VPS36: variants seen among roughly 807,000 people sequenced by gnomAD.
VPS36 encodes vacuolar protein-sorting-associated protein 36.
A neutral mutation model predicts 63.5 loss-of-function variants in VPS36; 31 were observed. That is an observed-to-expected ratio of 0.49 (90% CI 0.37 to 0.66). The LOEUF is 0.66. Among genes scored for constraint, VPS36 ranks in the 30% least tolerant of loss-of-function variants. The pLI is 0.00. For synonymous variants in VPS36, 138 were observed against 157.2 expected, an observed-to-expected ratio of 0.88 and a Z score of 0.91; for missense variants, 338 against 463.7, an observed-to-expected ratio of 0.73 and a Z score of 2.49.
At chr13:52,441,577 C>T (rs957107356) in intron 2 of VPS36, among the ~76,000 whole-genome samples, 1 of 152,114 alleles carries the variant, frequency 6.6e-6, no homozygotes, top group African/African-American at 2.4e-5. Flanking sequence ...TTGGCTAAAC[C>T]CCGTCTCTAC....
At chr13:52,444,499 CAT>C (rs1197527584) in intron 1 of VPS36, among the ~76,000 whole-genome samples, 11 of 146,898 alleles carry the variant, frequency 7.5e-5, no homozygotes, top group Non-Finnish European at 1.3e-4. Flanking sequence ...AATACATATA[CAT>C]ATATATGTAT....
At chr13:52,449,993 G>C (rs1304167341) in intron 1 of VPS36, 19 of 985,658 alleles carry the variant, frequency 1.9e-5, no homozygotes, top group Non-Finnish European at 2.2e-5. Flanking sequence ...TAATCCCTCC[G>C]ACTGCATAAG....
rs1958160390 is a variant in VPS36 at position 52,431,760 on chromosome 13, C to CT, written c.528+1901dup. Among the ~76,000 whole-genome samples the CT allele has an allele frequency of 3.3e-5, 4 of 122,708 alleles. 1 individual carries two copies. The highest frequency in any genetic ancestry group is 6.7e-5 in the Non-Finnish European group (4 of 60,064). 80.5% of individuals were successfully genotyped at this position (122,708 alleles called of 152,430 possible). On this transcript the variant is annotated intron_variant, in intron 6 of 13. Coordinates refer to ENST00000378060, the MANE Select transcript of VPS36 (RefSeq NM_016075.4). The stretch of plus-strand genomic sequence containing the variant: ...CCTAAGCGACAGAGTAAGACTCTGT[C>CT]TCAAAAAAAAAAAAAAAAAAAAGAA...
intron 6 of VPS36, among the ~76,000 whole-genome samples, chr13:52,428,909 T>C (rs1004812994): frequency 7.2e-5 from 11 of 152,098 alleles, no homozygotes; most frequent in African/African-American, 1.7e-4. Flanking sequence ...AAAGTAAATA[T>C]TTTTGTGCCT....
At chr13:52,429,913 C>T (rs1958138473) in intron 6 of VPS36, among the ~76,000 whole-genome samples, 1 of 152,078 alleles carries the variant, frequency 6.6e-6, no homozygotes, top group South Asian at 2.1e-4. Context: ...AATAGGGATT[C>T]ACCAGAAAGG....
intron 2 of VPS36, among the ~76,000 whole-genome samples, chr13:52,439,823 AAAC>A (rs1432875257): frequency 1.3e-5 from 2 of 152,200 alleles, no homozygotes; most frequent in African/African-American, 4.8e-5. Context: ...TGAAAGCAAA[AAAC>A]AAATCAGATA....
chr13:52,442,412 T>A lies in VPS36; in HGVS notation c.130A>T (p.Thr44Ser). Residue 44 changes from threonine to serine, a missense_variant, in exon 2 of 14, where the codon ACA becomes TCA. Physicochemically the swap from Thr to Ser is moderately conservative, Grantham distance 58 (BLOSUM62 1). Coordinates refer to ENST00000378060, the MANE Select transcript of VPS36 (RefSeq NM_016075.4). The part of the protein sequence containing the change: ...KFDAGTLLLS[T>S]HRLIWRDQKN... ...TGATCTCTCCAAATCAGTCGGTGTGTACTAAGAAGGAGAGTCCCAGCATCA... is the reference window on the plus strand; with the variant it reads ...TGATCTCTCCAAATCAGTCGGTGTGAACTAAGAAGGAGAGTCCCAGCATCA... 6.2e-7 allele frequency: 1 copy of A among 1,612,706 alleles called. No homozygotes were observed. The highest frequency in any genetic ancestry group is 8.5e-7 in the Non-Finnish European group (1 of 1,179,622).
At chr13:52,419,612 C>T (rs966719806) in intron 10 of VPS36, among the ~76,000 whole-genome samples, 5 of 152,172 alleles carry the variant, frequency 3.3e-5, no homozygotes, top group African/African-American at 1.2e-4. Context: ...GTAAATAGAA[C>T]TATCACATGA....
chr13:52,440,378 C>T (rs1013377164), intron 2 of VPS36, among the ~76,000 whole-genome samples: 2 of 152,190 alleles, frequency 1.3e-5, no homozygotes, highest in African/African-American at 4.8e-5. Context: ...ATCACAACCT[C>T]TGCCTCCCAG....
At chr13:52,418,573 C>CAAAAAAAAAAAAAAAAAAAAAA (rs1201650906) in intron 10 of VPS36, among the ~76,000 whole-genome samples, 9 of 31,144 alleles carry the variant, frequency 2.9e-4, no homozygotes, top group East Asian at 1.5e-3. Flanking sequence ...GACTCCATCT[C>CAAAAAAAAAAAAAAAAAAAAAA]AAAAAAAAAA....
chr13:52,437,209 T>G (rs1237188206), intron 3 of VPS36, among the ~76,000 whole-genome samples: 1 of 152,214 alleles, frequency 6.6e-6, no homozygotes, highest in Admixed American at 6.5e-5. Flanking sequence ...TTTCTTTTTT[T>G]GGAACCATAT....
chr13:52,445,186 CAT>C (rs1241432626), intron 1 of VPS36, among the ~76,000 whole-genome samples: 1 of 152,154 alleles, frequency 6.6e-6, no homozygotes, highest in Non-Finnish European at 1.5e-5. Flanking sequence ...AGAAATAAAA[CAT>C]ATGTACTTCT....
At chr13:52,423,353 C>T (rs143863466) in intron 10 of VPS36, among the ~76,000 whole-genome samples, 5 of 152,206 alleles carry the variant, frequency 3.3e-5, no homozygotes, top group African/African-American at 1.2e-4. Flanking sequence ...AAAACTGAGT[C>T]TCAGAGATGC....
chr13:52,443,138 C>A (rs552234694), intron 1 of VPS36, among the ~76,000 whole-genome samples: 1 of 152,058 alleles, frequency 6.6e-6, no homozygotes, highest in South Asian at 2.1e-4. Context: ...TGGATTTATA[C>A]CTAATACAAT....
chr13:52,441,931 T>TGG (rs1023073436), intron 2 of VPS36, among the ~76,000 whole-genome samples: 1 of 152,060 alleles, frequency 6.6e-6, no homozygotes, highest in Non-Finnish European at 1.5e-5. Flanking sequence ...TCACAACTGA[T>TGG]GGGGGAATTA....
intron 6 of VPS36, among the ~76,000 whole-genome samples, chr13:52,427,942 T>G (rs961794889): frequency 6.6e-6 from 1 of 152,166 alleles, no homozygotes; most frequent in Non-Finnish European, 1.5e-5. Flanking sequence ...TGGTTGAAAA[T>G]GGCAATACAC....
chr13:52,446,157 T>C (rs1303276162), intron 1 of VPS36, among the ~76,000 whole-genome samples: 1 of 149,862 alleles, frequency 6.7e-6, no homozygotes, highest in Non-Finnish European at 1.5e-5. Context: ...TCCCAGCTAC[T>C]GGGGAGGCTG....
rs2137763045 is a variant in VPS36 at position 52,413,199 on chromosome 13, G to C, written c.*2631C>G. 6.6e-6 allele frequency: 1 copy of C among 152,354 alleles called. No individual in the cohort carries two copies. The highest frequency in any genetic ancestry group is 2.4e-5 in the African/African-American group (1 of 41,530). The allele number at this position is 152,354 out of a possible 1,614,324, so 9.4% of individuals were successfully genotyped here. A position where few individuals can be genotyped will look rare whatever the true frequency, so the allele number is the denominator to read the frequency against. Reference sequence around the variant, plus strand: ...GTATTTGAGTATGAGAAAGATGACAGGATGAATCCACATTCTCTCAGATTA... The same window carrying C: ...GTATTTGAGTATGAGAAAGATGACACGATGAATCCACATTCTCTCAGATTA... On this transcript the variant is annotated 3_prime_UTR_variant, in exon 14 of 14. Transcript: ENST00000378060.
At chr13:52,416,653 T>C (rs1957995579) in intron 12 of VPS36, among the ~76,000 whole-genome samples, 1 of 152,238 alleles carries the variant, frequency 6.6e-6, no homozygotes, top group African/African-American at 2.4e-5. Context: ...CAGTTGCTTT[T>C]TATATTTTTT....
Sources: allele counts gnomAD v4.1 joint callset (sites outside exome capture counted in the v4.1 genomes callset), GRCh38; gene constraint gnomAD v4.1.1; transcripts MANE v1.5; gene names NCBI Gene and HGNC (gene_info 2026-07-23, HGNC 2026-07-21).